The following SLC12A5 variants were observed in gnomAD, a reference collection of about 807,000 sequenced individuals.
The protein encoded by SLC12A5 is K-Cl cotransporter 2.
In SLC12A5, 18 loss-of-function variants were observed where a neutral mutation model predicts 124.0. That is an observed-to-expected ratio of 0.15 (90% CI 0.10 to 0.22). The LOEUF is 0.22. Ranked by LOEUF, SLC12A5 falls within the 10% of genes least tolerant of loss-of-function variation. The pLI, the probability that SLC12A5 is intolerant of heterozygous loss-of-function variation, is 1.00. For synonymous variants in SLC12A5, 589 were observed against 568.0 expected, an observed-to-expected ratio of 1.04 and a Z score of -0.53; for missense variants, 867 against 1,478.7, an observed-to-expected ratio of 0.59 and a Z score of 6.78.
intron 21 of SLC12A5, chr20:46,055,906 A>T: frequency 1.9e-6 from 1 of 525,490 alleles, no homozygotes. Context: ...AGTGCTAGGC[A>T]GAGCCTTGCT....
intron 1 of SLC12A5, among the ~76,000 whole-genome samples, chr20:46,030,427 C>T (rs1174910852): frequency 6.6e-6 from 1 of 152,118 alleles, no homozygotes; most frequent in African/African-American, 2.4e-5. Context: ...CTTCCTTGCT[C>T]CGAGGTCTTG....
rs553145189 is a variant in SLC12A5 at position 46,047,129 on chromosome 20, C to T, written c.1788-325C>T. 9.2e-5 allele frequency among the ~76,000 whole-genome samples: 14 copies of T among 152,334 alleles called. 1 individual carries two copies. The highest frequency in any genetic ancestry group is 3.9e-4 in the East Asian group (2 of 5,184). On this transcript the variant is annotated intron_variant, in intron 14 of 25. Coordinates refer to ENST00000243964, the MANE Select transcript of SLC12A5 (RefSeq NM_020708.5). ...CTGGTGGCCTTCTCCTGGGAGGACC[C>T]GTTTCCACTCCCCTGAGACCCTGGC...
chr20:46,056,598 G>A lies in SLC12A5; in HGVS notation c.3110+34G>A. ...CTGGGGGCTAAGGGCTGGGGGCTGG[G>A]GTGAGCTAAAGGGTCTTGCTCCCCA... On this transcript the variant is annotated intron_variant, in intron 23 of 25. Transcript: ENST00000243964. The surrounding 1 kb of genome is among the most constrained non-coding windows in gnomAD (Gnocchi z 4.3). 6.3e-7 allele frequency: 1 copy of A among 1,599,374 alleles called. No individual in the cohort carries two copies. Among genetic ancestry groups the A allele is most frequent in the Non-Finnish European group, 8.5e-7 (1 of 1,172,058 alleles).
Position 46,058,474 on chromosome 20 carries a change from G to T in SLC12A5, c.*869G>T. The stretch of plus-strand genomic sequence containing the variant: ...CCAGCGGACGTGAGCTTCCACTGCG[G>T]CTGCAGAGACGCGAGCAACCTCTTC... On this transcript the variant is annotated 3_prime_UTR_variant, in exon 26 of 26. Coordinates refer to ENST00000243964, the MANE Select transcript of SLC12A5 (RefSeq NM_020708.5). The surrounding 1 kb of genome is among the most constrained non-coding windows in gnomAD (Gnocchi z 5.8). The T allele has an allele frequency of 2.5e-6, 1 of 399,214 alleles. No homozygotes were observed. Among genetic ancestry groups the T allele is most frequent in the Non-Finnish European group, 4.4e-6 (1 of 226,208 alleles). The allele number at this position is 399,214 out of a possible 1,614,324, so 24.7% of individuals were successfully genotyped here. A position where few individuals can be genotyped will look rare whatever the true frequency, so the allele number is the denominator to read the frequency against.
chr20:46,044,732 C>T (rs1308378146), intron 11 of SLC12A5: 1 of 548,978 alleles, frequency 1.8e-6, no homozygotes, highest in East Asian at 3.2e-5. Flanking sequence ...GGACGTGGGG[C>T]TGGGACCTAT....
chr20:46,044,928 C>G (rs369882995), intron 11 of SLC12A5, 38 bp from the exon 12 acceptor site: 1 of 1,612,774 alleles, frequency 6.2e-7, no homozygotes, highest in South Asian at 1.1e-5. Context: ...ATCCAGGCAG[C>G]ACTGCTCACC....
In SLC12A5 at chr20:46,056,249, A is replaced by G. The variant is rs1407241957; in HGVS notation, c.2887A>G (p.Ser963Gly). 1 of 1,614,056 alleles carries G rather than the reference A, an allele frequency of 6.2e-7. No homozygotes were observed. The highest frequency in any genetic ancestry group is 8.5e-7 in the Non-Finnish European group (1 of 1,180,024). ...CGTCCCAGAAGAGACGGCTGGTGAC[A>G]GTGAAGAGAAGCCAGAGGAGGAGGT... is the stretch of plus-strand genomic sequence containing the variant. ...LNVPEETAGD[S>G]EEKPEEEVQL... Residue 963 changes from serine (S) to glycine (G), a missense_variant, in exon 22 of 26, where the codon AGT becomes GGT. Physicochemically the swap from Ser to Gly is moderately conservative, Grantham distance 56. This residue lies in a region of SLC12A5 where 180 missense variants were observed against 243.6 expected (regional missense o/e 0.74). Transcript: ENST00000243964. The surrounding 1 kb of genome is among the most constrained non-coding windows in gnomAD (Gnocchi z 4.3).
rs1200788623 is a variant in SLC12A5, at chr20:46,054,916, C to T, written c.2680C>T (p.His894Tyr). 14 of 1,612,744 alleles carry T rather than the reference C, an allele frequency of 8.7e-6. No individual in the cohort carries two copies. The highest frequency in any genetic ancestry group is 1.2e-5 in the Non-Finnish European group (14 of 1,179,052). The change falls in exon 21 of 26, where the codon CAT (histidine) becomes TAT (tyrosine). Residue 894 changes from histidine (H) to tyrosine (Y), a missense_variant and splice_region_variant. Physicochemically the swap from His to Tyr is moderately conservative, Grantham distance 83. Transcript: ENST00000243964. ...AACCCCAACCTCTGTCTGCCCACAG[C>T]ATGAGAGCGACATCTCAGCTTACAC... ...ITAEVEVVEM[H>Y]ESDISAYTYE...
intron 7 of SLC12A5, 142 bp from the exon 8 acceptor site, chr20:46,041,181 AATGGCC>A: frequency 1.6e-6 from 1 of 640,952 alleles, no homozygotes; most frequent in Non-Finnish European, 2.6e-6. Context: ...AAAAAAAGCC[AATGGCC>A]AGGCTTCATT....
chr20:46,049,140 G>A (rs1175102975), intron 16 of SLC12A5, among the ~76,000 whole-genome samples: 1 of 152,160 alleles, frequency 6.6e-6, no homozygotes, highest in African/African-American at 2.4e-5. Context: ...ATTCCCAAAT[G>A]CTCAGCACAT....
At chr20:46,049,288 A>G (rs2084627003) in intron 16 of SLC12A5, among the ~76,000 whole-genome samples, 2 of 152,238 alleles carry the variant, frequency 1.3e-5, no homozygotes, top group Non-Finnish European at 2.9e-5. Flanking sequence ...GTGGGCGGGC[A>G]AAAGCATGAA....
At chr20:46,044,127 G>C (rs6032630) in intron 11 of SLC12A5, among the ~76,000 whole-genome samples, 194 bp downstream of exon 11, 19 of 152,230 alleles carry the variant, frequency 1.2e-4, no homozygotes, top group African/African-American at 4.6e-4. Flanking sequence ...AAGCTTGGAT[G>C]GTGTCTCATT....
Position 46,037,397 on chromosome 20 carries a change from T to C in SLC12A5, c.612+12T>C. Reference sequence around the variant, plus strand: ...TCGAAATCCTGCTGGTAAGAGAGGCTGAGGAGGAGGTGTGGAACCCCAGGT... The same window carrying C: ...TCGAAATCCTGCTGGTAAGAGAGGCCGAGGAGGAGGTGTGGAACCCCAGGT... On this transcript the variant is annotated intron_variant, in intron 6 of 25. Coordinates refer to ENST00000243964, the MANE Select transcript of SLC12A5 (RefSeq NM_020708.5). 1.2e-6 allele frequency: 2 copies of C among 1,602,210 alleles called. No homozygotes were observed. Among genetic ancestry groups the C allele is most frequent in the Non-Finnish European group, 1.7e-6 (2 of 1,173,284 alleles).
At position 46,056,609 on chromosome 20, in the gene SLC12A5, G is replaced by A; in HGVS notation, c.3110+45G>A. 1 of 1,583,020 alleles carries A rather than the reference G, an allele frequency of 6.3e-7. No individual in the cohort carries two copies. Among genetic ancestry groups the A allele is most frequent in the Non-Finnish European group, 8.6e-7 (1 of 1,161,832 alleles). On this transcript the variant is annotated intron_variant, in intron 23 of 25. Coordinates refer to ENST00000243964, the MANE Select transcript of SLC12A5 (RefSeq NM_020708.5). The surrounding 1 kb of genome is among the most constrained non-coding windows in gnomAD (Gnocchi z 4.3). ...GGGCTGGGGGCTGGGGTGAGCTAAA[G>A]GGTCTTGCTCCCCATGGCAGAGCAA...
chr20:46,056,085 A>C lies in SLC12A5; in HGVS notation c.2788-65A>C, dbSNP rs766015854. On this transcript the variant is annotated intron_variant, in intron 21 of 25. Transcript: ENST00000243964. This position sits in a 1 kb window ranked among gnomAD's most constrained non-coding sequence, Gnocchi z 4.3. ...CTGGCTGAACATCATCTCTGGTGAT[A>C]GCTCTTTGCAGGGCATGGGTGGTGA... 2.4e-4 allele frequency: 378 copies of C among 1,597,998 alleles called. No homozygotes were observed. Among genetic ancestry groups the C allele is most frequent in the Non-Finnish European group, 3.1e-4 (367 of 1,171,822 alleles).
chr20:46,042,965 G>A (rs181753376), intron 8 of SLC12A5, among the ~76,000 whole-genome samples, 188 bp from the exon 9 acceptor site: 53 of 152,250 alleles, frequency 3.5e-4, no homozygotes, highest in Non-Finnish European at 7.6e-4. Context: ...GTCTGTGAAA[G>A]GTCTGTACAT....
rs550491448 is a variant in SLC12A5, at chr20:46,056,415, G to A, written c.2961G>A (p.Pro987=). The part of the protein sequence containing the change: ...QSAPSCPSSS[P]SPGEEPEGEG... ...CTCCCAGCTGCCCCAGCAGCTCCCC[G>A]TCCCCAGGGGAGGAGCCTGAGGGGG... Residue 987 remains proline, a synonymous_variant, in exon 23 of 26, where the codon CCG becomes CCA. Coordinates refer to ENST00000243964, the MANE Select transcript of SLC12A5 (RefSeq NM_020708.5). This position sits in a 1 kb window ranked among gnomAD's most constrained non-coding sequence, Gnocchi z 4.3. 67 of 1,613,698 alleles carry A rather than the reference G, an allele frequency of 4.2e-5. No individual in the cohort carries two copies. The highest frequency in any genetic ancestry group is 3.3e-4 in the Middle Eastern group (2 of 6,056).
upstream of SLC12A5, among the ~76,000 whole-genome samples, chr20:46,025,536 AG>A (rs2145468696): frequency 6.6e-6 from 1 of 152,134 alleles, no homozygotes; most frequent in South Asian, 2.1e-4. Flanking sequence ...TCAGTTCTCC[AG>A]GTGGGGTGGG....
intron 16 of SLC12A5, among the ~76,000 whole-genome samples, chr20:46,049,257 G>A (rs2084626711): frequency 6.6e-6 from 1 of 152,230 alleles, no homozygotes; most frequent in Non-Finnish European, 1.5e-5. Context: ...TAGATGGGTA[G>A]ATGGATAAGT....
Sources: gnomAD v4.1 joint callset for allele counts (sites outside exome capture counted in the v4.1 genomes callset) on GRCh38, gnomAD v4.1.1 for gene constraint, gnomAD v4.1.1 regional missense constraint, Gnocchi (gnomAD v3.1) non-coding constraint, MANE v1.5 for transcripts, NCBI Gene and HGNC (gene_info 2026-07-23, HGNC 2026-07-21) for gene names.